The following VPS26B variants were observed in gnomAD, a reference collection of about 807,000 sequenced individuals.
The protein encoded by VPS26B is VPS26 retromer complex component B, also known as vacuolar protein sorting-associated protein 26B.
Under a neutral mutation model 33.3 loss-of-function variants are expected in VPS26B, and 10 were observed. The ratio of observed to expected loss-of-function variants is 0.30; its 90% CI spans 0.19 to 0.51. The LOEUF (loss-of-function observed/expected upper bound fraction) is 0.51. VPS26B is among the 20% of genes least tolerant of loss of function. The pLI, the probability that VPS26B is intolerant of heterozygous loss-of-function variation, is 0.98. For synonymous variants in VPS26B, 190 were observed against 176.9 expected (o/e 1.07, Z -0.59); for missense variants, 317 against 452.7 (o/e 0.70, Z 2.72).
In VPS26B at chr11:134,230,568, G is replaced by A. The variant is rs1017376451; in HGVS notation, c.224-4329G>A. On this transcript the variant is annotated intron_variant, in intron 1 of 5. Coordinates refer to ENST00000281187, the MANE Select transcript of VPS26B (RefSeq NM_052875.5). ...GCTGGTGTGCCCCCACTGGGGCTGC[G>A]TCCTCACTGGGGGAACTGGGATAAG... is the stretch of plus-strand genomic sequence containing the variant. 3.3e-5 allele frequency among the ~76,000 whole-genome samples: 5 copies of A among 152,208 alleles called. 1 individual carries two copies. Among genetic ancestry groups the A allele is most frequent in the East Asian group, 3.8e-4 (2 of 5,196 alleles).
intron 1 of VPS26B, among the ~76,000 whole-genome samples, chr11:134,232,573 G>A (rs925105864): frequency 1.3e-5 from 2 of 152,246 alleles, no homozygotes; most frequent in Admixed American, 6.5e-5. Flanking sequence ...GCCCTGCTGG[G>A]GCAGGCCGAA....
chr11:134,245,429 C>T lies in VPS26B; in HGVS notation c.865-15C>T. ...CCCTCTAAGGTGTCACATTGCCCCC[C>T]TTTCAATTCTGCAGGAAGTGGTGTT... On this transcript the variant is annotated splice_polypyrimidine_tract_variant and intron_variant, in intron 5 of 5. Coordinates refer to ENST00000281187, the MANE Select transcript of VPS26B (RefSeq NM_052875.5). The surrounding 1 kb of genome is among the most constrained non-coding windows in gnomAD (Gnocchi z 4.7). 4 of 1,613,898 alleles carry T rather than the reference C, an allele frequency of 2.5e-6. No homozygotes were observed. Among genetic ancestry groups the T allele is most frequent in the Non-Finnish European group, 2.5e-6 (3 of 1,179,802 alleles).
chr11:134,235,542 A>T (rs1365014854), intron 2 of VPS26B: 2 of 152,278 alleles, frequency 1.3e-5, no homozygotes, highest in Admixed American at 1.3e-4. Flanking sequence ...CCCCCAGCAC[A>T]CTCCTGCTGG....
At chr11:134,233,308 C>T (rs1938583977) in intron 1 of VPS26B, among the ~76,000 whole-genome samples, 1 of 152,222 alleles carries the variant, frequency 6.6e-6, no homozygotes, top group Admixed American at 6.5e-5. Context: ...TCCGCCTGCT[C>T]TGTGTTCCCA....
Position 134,244,963 on chromosome 11 carries a change from C to T in VPS26B, c.747C>T (p.Phe249=), listed in dbSNP as rs377413694. The part of the protein sequence containing the change: ...VRGESIPIRL[F]LAGYELTPTM... Reference sequence around the variant, plus strand: ...GAGAGTCCATCCCGATCCGGCTCTTCCTGGCCGGGTATGAGCTCACGCCCA... The same window carrying T: ...GAGAGTCCATCCCGATCCGGCTCTTTCTGGCCGGGTATGAGCTCACGCCCA... Residue 249 remains phenylalanine, a synonymous_variant, in exon 5 of 6, where the codon TTC becomes TTT. Coordinates refer to ENST00000281187, the MANE Select transcript of VPS26B (RefSeq NM_052875.5). This position sits in a 1 kb window ranked among gnomAD's most constrained non-coding sequence, Gnocchi z 4.0. The T allele has an allele frequency of 1.3e-5, 21 of 1,613,812 alleles. No individual in the cohort carries two copies. The highest frequency in any genetic ancestry group is 1.7e-5 in the Non-Finnish European group (20 of 1,180,042).
In VPS26B at chr11:134,243,137, C is replaced by T; in HGVS notation, c.564C>T (p.Val188=). The part of the protein sequence containing the change: ...YNKSKYHLKD[V]IVGKIYFLLV... ...TCCCCAGATACCACTTGAAAGATGT[C>T]ATTGTAGGGAAGATATACTTCCTGC... is the stretch of plus-strand genomic sequence containing the variant. Residue 188 remains valine (V), a synonymous_variant, in exon 4 of 6, where the codon GTC becomes GTT. Transcript: ENST00000281187. 6.2e-7 allele frequency: 1 copy of T among 1,614,054 alleles called. No homozygotes were observed. The highest frequency in any genetic ancestry group is 8.5e-7 in the Non-Finnish European group (1 of 1,179,966).
At chr11:134,241,368 T>C (rs1466030259) in intron 3 of VPS26B, among the ~76,000 whole-genome samples, 2 of 152,124 alleles carry the variant, frequency 1.3e-5, no homozygotes, top group African/African-American at 4.8e-5. Context: ...AATGGTGTGT[T>C]TTTTCCCCTG....
rs776476411 is a variant in VPS26B, at chr11:134,243,122, C to T, written c.549C>T (p.Tyr183=). 3 of 1,614,040 alleles carry T rather than the reference C, an allele frequency of 1.9e-6. No individual in the cohort carries two copies. The highest frequency in any genetic ancestry group is 2.7e-5 in the African/African-American group (2 of 74,926). ...TTCTGTACTTTCTGTTCCCCAGATA[C>T]CACTTGAAAGATGTCATTGTAGGGA... is the stretch of plus-strand genomic sequence containing the variant. ...HIEFEYNKSK[Y]HLKDVIVGKI... The change falls in exon 4 of 6, where the codon TAC becomes TAT. Residue 183 remains tyrosine, a synonymous_variant. Transcript: ENST00000281187.
rs373569374 is a variant in VPS26B, at chr11:134,225,222, A to G, written c.100A>G (p.Lys34Glu). ...RAEHKTEDGK[K>E]EKYFLFYDGE... ...CGAGCACAAGACGGAGGACGGGAAG[A>G]AGGAGAAATATTTCCTCTTCTACGA... Residue 34 changes from lysine to glutamate, a missense_variant, in exon 1 of 6, where the codon AAG (lysine) becomes GAG (glutamate). Lys to Glu is a moderately conservative substitution (Grantham distance 56). Transcript: ENST00000281187. 2.4e-5 allele frequency: 39 copies of G among 1,614,130 alleles called. No homozygotes were observed. Among genetic ancestry groups the G allele is most frequent in the Non-Finnish European group, 3.2e-5 (38 of 1,179,982 alleles).
At chr11:134,236,562 G>T (rs1306174409) in intron 2 of VPS26B, 1 of 152,184 alleles carries the variant, frequency 6.6e-6, no homozygotes, top group Non-Finnish European at 1.5e-5. Flanking sequence ...AGCAACCCAA[G>T]TGTCCATCAG....
Position 134,225,146 on chromosome 11 carries a change from G to C in VPS26B, c.24G>C (p.Gln8His). 3.7e-6 allele frequency: 6 copies of C among 1,611,766 alleles called. No individual in the cohort carries two copies. The highest frequency in any genetic ancestry group is 5.1e-6 in the Non-Finnish European group (6 of 1,178,468). Reference protein sequence around the residue: MSFFGFGQSVEVEILLND... With the variant: MSFFGFGHSVEVEILLND... ...CGATGAGCTTCTTCGGCTTCGGGCA[G>C]AGCGTGGAGGTGGAAATCCTTCTGA... is the stretch of plus-strand genomic sequence containing the variant. Residue 8 changes from glutamine to histidine, a missense_variant, in exon 1 of 6, where the codon CAG becomes CAC. Coordinates refer to ENST00000281187, the MANE Select transcript of VPS26B (RefSeq NM_052875.5).
rs1393150919 is a variant in VPS26B, at chr11:134,244,231, A to C, written c.722-707A>C. 2 of 152,248 alleles carry C rather than the reference A, an allele frequency of 1.3e-5. No individual in the cohort carries two copies. The highest frequency in any genetic ancestry group is 2.4e-5 in the African/African-American group (1 of 41,458). The allele number at this position is 152,248 out of a possible 1,614,324, so 9.4% of individuals were successfully genotyped here. ...ACTGAGAATGCATGTAAAAGAGCAG[A>C]TAATGATAAGATGGCTTATATTTAG... On this transcript the variant is annotated intron_variant, in intron 4 of 5. Coordinates refer to ENST00000281187, the MANE Select transcript of VPS26B (RefSeq NM_052875.5). This position sits in a 1 kb window ranked among gnomAD's most constrained non-coding sequence, Gnocchi z 4.0.
In VPS26B at chr11:134,244,911, G is replaced by C; in HGVS notation, c.722-27G>C. The C allele has an allele frequency of 6.2e-7, 1 of 1,607,408 alleles. No homozygotes were observed. The highest frequency in any genetic ancestry group is 8.5e-7 in the Non-Finnish European group (1 of 1,178,986). ...GGGAGAGGGCATCACCTTGCCCCCT[G>C]TGCTGACTCCTGCCCTCCCCCTACA... On this transcript the variant is annotated intron_variant, in intron 4 of 5. Transcript: ENST00000281187. This position sits in a 1 kb window ranked among gnomAD's most constrained non-coding sequence, Gnocchi z 4.0.
In VPS26B at chr11:134,245,592, C is replaced by G. The variant is rs1207732818; in HGVS notation, c.*2C>G. 6.2e-7 allele frequency: 1 copy of G among 1,605,732 alleles called. No individual in the cohort carries two copies. Among genetic ancestry groups the G allele is most frequent in the Non-Finnish European group, 8.5e-7 (1 of 1,177,816 alleles). On this transcript the variant is annotated 3_prime_UTR_variant, in exon 6 of 6. Transcript: ENST00000281187. The surrounding 1 kb of genome is among the most constrained non-coding windows in gnomAD (Gnocchi z 4.7). ...TCTGACAACAACTGCAGGCAGTAGG[C>G]CCCCAGGGCCGAGAAGATGCTGGGC... is the stretch of plus-strand genomic sequence containing the variant.
rs1040519534 is a variant in VPS26B at position 134,244,484 on chromosome 11, T to C, written c.722-454T>C. ...AGAACTGAGGCCATAGTGAGGACTT[T>C]CTGCTTTCCACCATACCACCTTGCC... On this transcript the variant is annotated intron_variant, in intron 4 of 5. Transcript: ENST00000281187. The surrounding 1 kb of genome is among the most constrained non-coding windows in gnomAD (Gnocchi z 4.0). The C allele has an allele frequency of 6.5e-6, 1 of 153,792 alleles. No homozygotes were observed. Among genetic ancestry groups the C allele is most frequent in the Non-Finnish European group, 1.4e-5 (1 of 69,236 alleles). The allele number at this position is 153,792 out of a possible 1,614,324, so 9.5% of individuals were successfully genotyped here. A position where few individuals can be genotyped will look rare whatever the true frequency, so the allele number is the denominator to read the frequency against.
intron 2 of VPS26B, among the ~76,000 whole-genome samples, chr11:134,237,947 T>G (rs1167919977): frequency 6.6e-6 from 1 of 152,156 alleles, no homozygotes; most frequent in African/African-American, 2.4e-5. Context: ...GAGAGGGTTC[T>G]TGGGATTGGT....
At chr11:134,237,170 T>A (rs1342010393) in intron 2 of VPS26B, among the ~76,000 whole-genome samples, 1 of 152,212 alleles carries the variant, frequency 6.6e-6, no homozygotes, top group Non-Finnish European at 1.5e-5. Context: ...TCTTTTGTCT[T>A]TAGGCAGAGA....
In VPS26B at chr11:134,244,803, G is replaced by A. The variant is rs915367512; in HGVS notation, c.722-135G>A. The A allele has an allele frequency of 1.0e-5, 13 of 1,249,190 alleles. No individual in the cohort carries two copies. The East Asian group carries it at 2.6e-4, about 25-fold the overall frequency. The allele number at this position is 1,249,190 out of a possible 1,614,324, so 77.4% of individuals were successfully genotyped here. ...TCAGCCACCTGCTGGGCAGCAGAGC[G>A]ACTGCACCTTCCCAGAAGGCTGAAG... is the stretch of plus-strand genomic sequence containing the variant. On this transcript the variant is annotated intron_variant, in intron 4 of 5. Coordinates refer to ENST00000281187, the MANE Select transcript of VPS26B (RefSeq NM_052875.5). This position sits in a 1 kb window ranked among gnomAD's most constrained non-coding sequence, Gnocchi z 4.0.
At chr11:134,238,838 G>A (rs1430967920) in intron 2 of VPS26B, among the ~76,000 whole-genome samples, 3 of 151,678 alleles carry the variant, frequency 2.0e-5, no homozygotes, top group East Asian at 1.9e-4. Context: ...CTCGTGATCC[G>A]CCCGCCTCTG....
Sources: gnomAD v4.1 joint callset for allele counts (sites outside exome capture counted in the v4.1 genomes callset) on GRCh38, gnomAD v4.1.1 for gene constraint, Gnocchi (gnomAD v3.1) non-coding constraint, MANE v1.5 for transcripts, NCBI Gene and HGNC (gene_info 2026-07-23, HGNC 2026-07-21) for gene names.